Variants in NXPE2 observed in about 807,000 individuals in gnomAD.
NXPE2 encodes NXPE family member 2.
In NXPE2, 34 loss-of-function variants were observed where a neutral mutation model predicts 34.4. The observed-to-expected ratio is 0.99, with a 90% CI of 0.75 to 1.31. The LOEUF is 1.31. Among genes scored for constraint, NXPE2 ranks in the 40% most tolerant of loss-of-function variants. The pLI is 0.00. For missense variants in NXPE2, 649 were observed against 672.5 expected, an observed-to-expected ratio of 0.97 and a Z score of 0.39; for synonymous variants, 235 against 231.3, an observed-to-expected ratio of 1.02 and a Z score of -0.15.
chr11:114,560,915 G>A, the NXPE2 span, among the ~76,000 whole-genome samples: 4 of 152,084 alleles, frequency 2.6e-5, no homozygotes, highest in Non-Finnish European at 4.4e-5. Context: ...TTAGCGATAC[G>A]GATTTCAGTT....
At chr11:114,762,139 T>A in the NXPE2 span, among the ~76,000 whole-genome samples, 3 of 152,088 alleles carry the variant, frequency 2.0e-5, no homozygotes, top group Non-Finnish European at 2.9e-5. Context: ...AAAGGGCTTA[T>A]AGAAGAGGTG....
chr11:114,669,857 C>A, the NXPE2 span, among the ~76,000 whole-genome samples: 31 of 152,068 alleles, frequency 2.0e-4, no homozygotes, highest in African/African-American at 7.0e-4. Flanking sequence ...ATTATTGGAA[C>A]ACTAAGCATG....
the NXPE2 span, among the ~76,000 whole-genome samples, chr11:114,589,353 A>G: frequency 1.3e-5 from 2 of 151,848 alleles, no homozygotes; most frequent in African/African-American, 4.8e-5. Context: ...AGGAAGGTGG[A>G]CCTCCTTCTG....
the NXPE2 span, among the ~76,000 whole-genome samples, chr11:114,761,252 C>A: frequency 6.6e-6 from 1 of 152,192 alleles, no homozygotes; most frequent in Non-Finnish European, 1.5e-5. Flanking sequence ...TGCAAACCAA[C>A]ATTTTGGGAA....
chr11:114,720,228 A>G, the NXPE2 span, among the ~76,000 whole-genome samples: 1 of 152,076 alleles, frequency 6.6e-6, no homozygotes, highest in African/African-American at 2.4e-5. Context: ...TATATTCACC[A>G]GTTGGCATGG....
the NXPE2 span, chr11:114,551,373 C>T: frequency 1.4e-6 from 2 of 1,396,992 alleles, no homozygotes; most frequent in South Asian, 3.4e-5. Context: ...CCCCCAATCC[C>T]TTTGTCTACC....
chr11:114,560,992 T>C, the NXPE2 span, among the ~76,000 whole-genome samples: 1 of 152,210 alleles, frequency 6.6e-6, no homozygotes, highest in African/African-American at 2.4e-5. Flanking sequence ...TGACTACATA[T>C]TGGAGACCTT....
the NXPE2 span, among the ~76,000 whole-genome samples, chr11:114,618,304 C>A: frequency 9.9e-4 from 151 of 152,142 alleles, 1 homozygote; most frequent in Admixed American, 8.3e-3. Flanking sequence ...CCACTGTTAT[C>A]TGTTGGATAA....
intron 2 of NXPE2, among the ~76,000 whole-genome samples, chr11:114,687,960 A>G (rs964950503): frequency 6.6e-6 from 1 of 152,090 alleles, no homozygotes; most frequent in Non-Finnish European, 1.5e-5. Flanking sequence ...ACTTTGCTAA[A>G]GACCTGTTTA....
At chr11:114,781,780 C>T in the NXPE2 span, among the ~76,000 whole-genome samples, 7 of 152,246 alleles carry the variant, frequency 4.6e-5, no homozygotes, top group African/African-American at 1.4e-4. Flanking sequence ...TTCACCTCCA[C>T]CAGGAGTACA....
At chr11:114,791,072 G>C in the NXPE2 span, among the ~76,000 whole-genome samples, 1 of 151,686 alleles carries the variant, frequency 6.6e-6, no homozygotes, top group South Asian at 2.1e-4. Context: ...CATATGCTAA[G>C]AGCTCTATTC....
chr11:114,580,094 T>C, the NXPE2 span: 1 of 1,519,158 alleles, frequency 6.6e-7, no homozygotes, highest in African/African-American at 1.4e-5. Flanking sequence ...AAGAAGTTTC[T>C]GAAAGGGGTA....
chr11:114,733,502 T>C, the NXPE2 span, among the ~76,000 whole-genome samples: 1 of 152,290 alleles, frequency 6.6e-6, no homozygotes, highest in East Asian at 1.9e-4. Context: ...TCAGGTGATT[T>C]GGGGTACTGA....
At chr11:114,636,447 T>C in the NXPE2 span, among the ~76,000 whole-genome samples, 9 of 152,194 alleles carry the variant, frequency 5.9e-5, no homozygotes, top group Middle Eastern at 6.8e-3. Flanking sequence ...AAGGGTTTTT[T>C]GTGTCTCTAT....
At chr11:114,580,027 G>T in the NXPE2 span, 1 of 1,002,724 alleles carries the variant, frequency 1.0e-6, no homozygotes, top group Non-Finnish European at 1.5e-6. Flanking sequence ...TGTTGTGATT[G>T]AAGAATATGA....
At chr11:114,567,751 C>G in the NXPE2 span, among the ~76,000 whole-genome samples, 1 of 151,576 alleles carries the variant, frequency 6.6e-6, no homozygotes, top group African/African-American at 2.4e-5. Context: ...TAAATACCCT[C>G]TCTTGAAAAA....
At chr11:114,629,744 G>T in the NXPE2 span, among the ~76,000 whole-genome samples, 2 of 151,536 alleles carry the variant, frequency 1.3e-5, no homozygotes, top group African/African-American at 4.8e-5. Context: ...CCTGTTTGCA[G>T]ACGACATGAT....
At chr11:114,485,675 G>A in the NXPE2 span, among the ~76,000 whole-genome samples, 1 of 151,866 alleles carries the variant, frequency 6.6e-6, no homozygotes, top group Non-Finnish European at 1.5e-5. Context: ...CCAGTGTCTG[G>A]TAACCATCCT....
the NXPE2 span, among the ~76,000 whole-genome samples, chr11:114,780,320 A>G: frequency 1.3e-5 from 2 of 152,166 alleles, no homozygotes; most frequent in African/African-American, 4.8e-5. Context: ...CAGGTCCCCA[A>G]CAGGAGGCCT....
Sources: allele counts gnomAD v4.1 joint callset (sites outside exome capture counted in the v4.1 genomes callset), GRCh38; gene constraint gnomAD v4.1.1; transcripts MANE v1.5; gene names NCBI Gene and HGNC (gene_info 2026-07-23, HGNC 2026-07-21).